Variants in MYO10 observed in about 807,000 individuals in gnomAD.
MYO10 encodes the protein myosin X.
In MYO10, 133 loss-of-function variants were observed where a neutral mutation model predicts 257.3. That is an observed-to-expected ratio of 0.52 (90% CI 0.45 to 0.60). The LOEUF (loss-of-function observed/expected upper bound fraction) is 0.60. Ranked by LOEUF, MYO10 falls within the 20% of genes least tolerant of loss-of-function variation. The pLI is 0.00. For synonymous variants in MYO10, 1,104 were observed against 1,028.6 expected (o/e 1.07, Z -1.40); for missense variants, 2,399 against 2,635.7 (o/e 0.91, Z 1.97).
chr5:16,901,426 C>A (rs1026939098), intron 1 of MYO10, among the ~76,000 whole-genome samples: 1 of 152,152 alleles, frequency 6.6e-6, no homozygotes, highest in African/African-American at 2.4e-5. Flanking sequence ...GGATTTCCAA[C>A]AACCCAAGAA....
Position 16,758,114 on chromosome 5 carries a change from G to A in MYO10, c.1848+4C>T, listed in dbSNP as rs1203477964. The A allele has an allele frequency of 1.9e-6, 3 of 1,593,818 alleles. No homozygotes were observed. The highest frequency in any genetic ancestry group is 1.1e-5 in the South Asian group (1 of 90,654). ...ATTCCTCTAAGCCAGCAGTGAAAACGAACCTTGAACTGTGAGCTGACTGTA... is the reference window on the plus strand; with the variant it reads ...ATTCCTCTAAGCCAGCAGTGAAAACAAACCTTGAACTGTGAGCTGACTGTA... On this transcript the variant is annotated splice_donor_region_variant and intron_variant, in intron 18 of 40. Coordinates refer to ENST00000513610, the MANE Select transcript of MYO10 (RefSeq NM_012334.3).
intron 3 of MYO10, among the ~76,000 whole-genome samples, chr5:16,806,837 C>CACTGCTTCACTCCCCCGGG (rs1228818414): frequency 6.6e-6 from 1 of 152,124 alleles, no homozygotes; most frequent in East Asian, 1.9e-4. Context: ...CCTCCCCTGG[C>CACTGCTTCACTCCCCCGGG]ACTGCTTCAC....
At chr5:16,669,865 G>T (rs888522628) in intron 39 of MYO10, among the ~76,000 whole-genome samples, 11 of 152,136 alleles carry the variant, frequency 7.2e-5, no homozygotes, top group Non-Finnish European at 1.5e-4. Context: ...AGACTTTGTG[G>T]ATCACATGGT....
At chr5:16,918,743 C>A (rs544260351) in intron 1 of MYO10, among the ~76,000 whole-genome samples, 1 of 151,992 alleles carries the variant, frequency 6.6e-6, no homozygotes, top group Non-Finnish European at 1.5e-5. Flanking sequence ...TCAGGTGATC[C>A]GCCTGCCTCA....
At chr5:16,751,821 G>C (rs114076254) in intron 19 of MYO10, among the ~76,000 whole-genome samples, 1 of 152,062 alleles carries the variant, frequency 6.6e-6, no homozygotes, top group Non-Finnish European at 1.5e-5. Context: ...TTCTTGGAAA[G>C]GTTTCTATAG....
intron 1 of MYO10, among the ~76,000 whole-genome samples, chr5:16,882,121 T>C (rs774720700): frequency 6.6e-6 from 1 of 152,184 alleles, no homozygotes; most frequent in Non-Finnish European, 1.5e-5. Flanking sequence ...TTCTGCAATA[T>C]AAAGCACTTA....
Position 16,670,053 on chromosome 5 carries a change from C to G in MYO10, c.5883+473G>C, listed in dbSNP as rs184948112. Among the ~76,000 whole-genome samples the G allele has an allele frequency of 1.5e-3, 234 of 152,114 alleles. 2 individuals carry two copies. The highest frequency in any genetic ancestry group is 5.3e-3 in the African/African-American group (221 of 41,430). ...ATTAGTAAGATTTCTTTTCAATAAG[C>G]GGTCTACTTAAAACAAAACAAAAAT... On this transcript the variant is annotated intron_variant, in intron 39 of 40. Coordinates refer to ENST00000513610, the MANE Select transcript of MYO10 (RefSeq NM_012334.3).
At chr5:16,914,492 G>A (rs1458871520) in intron 1 of MYO10, among the ~76,000 whole-genome samples, 4 of 152,194 alleles carry the variant, frequency 2.6e-5, no homozygotes, top group Non-Finnish European at 2.9e-5. Flanking sequence ...CAGAACCTAC[G>A]TGGCCCACCT....
intron 2 of MYO10, among the ~76,000 whole-genome samples, chr5:16,819,573 T>C (rs796400137): frequency 4.6e-5 from 7 of 152,128 alleles, no homozygotes; most frequent in African/African-American, 1.7e-4. Context: ...AAAAAAAGGA[T>C]GTTAAATAAC....
At chr5:16,783,883 C>T (rs1027823357) in intron 4 of MYO10, among the ~76,000 whole-genome samples, 1 of 152,178 alleles carries the variant, frequency 6.6e-6, no homozygotes, top group Non-Finnish European at 1.5e-5. Flanking sequence ...AGCAGGTACA[C>T]ATGAATAAAA....
At chr5:16,857,234 A>C (rs1356907772) in intron 2 of MYO10, among the ~76,000 whole-genome samples, 1 of 152,190 alleles carries the variant, frequency 6.6e-6, no homozygotes, top group Non-Finnish European at 1.5e-5. Context: ...TTACAGACTA[A>C]GCCACTGGCA....
intron 2 of MYO10, among the ~76,000 whole-genome samples, chr5:16,874,290 C>T (rs1342918974): frequency 2.8e-5 from 4 of 140,432 alleles, no homozygotes; most frequent in South Asian, 2.3e-4. Context: ...GCCGAGATCG[C>T]GCCACTGCAC....
Position 16,891,319 on chromosome 5 carries a change from A to G in MYO10, c.22-13612T>C, listed in dbSNP as rs1031273289. Reference sequence around the variant, plus strand: ...TGAAAGAGAGAGAAAAGGAGAAGAGAAAAGGAAGGAAGGAAGGAAGGAAGG... The same window carrying G: ...TGAAAGAGAGAGAAAAGGAGAAGAGGAAAGGAAGGAAGGAAGGAAGGAAGG... On this transcript the variant is annotated intron_variant, in intron 1 of 40. Transcript: ENST00000513610. Among the ~76,000 whole-genome samples the G allele has an allele frequency of 1.2e-4, 7 of 58,008 alleles. No homozygotes were observed. In the East Asian group the frequency reaches 2.9e-3, roughly 24 times the overall value. The allele number at this position is 58,008 out of a possible 152,430, so 38.1% of individuals were successfully genotyped here.
chr5:16,725,770 G>A (rs1256137815), intron 19 of MYO10, among the ~76,000 whole-genome samples: 1 of 147,444 alleles, frequency 6.8e-6, no homozygotes, highest in Non-Finnish European at 1.5e-5. Flanking sequence ...CCAGGCCAGA[G>A]AAGCAACAGG....
intron 18 of MYO10, among the ~76,000 whole-genome samples, chr5:16,755,599 A>G (rs1740505793): frequency 6.6e-6 from 1 of 152,180 alleles, no homozygotes; most frequent in South Asian, 2.1e-4. Context: ...CATTAGTTCC[A>G]TCGAAATGAC....
chr5:16,725,538 C>T (rs768458708), intron 19 of MYO10, among the ~76,000 whole-genome samples: 3 of 152,122 alleles, frequency 2.0e-5, no homozygotes, highest in Non-Finnish European at 2.9e-5. Context: ...TTAAATCAGT[C>T]CATGATGATA....
intron 22 of MYO10, among the ~76,000 whole-genome samples, chr5:16,703,616 T>A (rs996737466): frequency 1.3e-5 from 2 of 152,186 alleles, no homozygotes; most frequent in South Asian, 2.1e-4. Context: ...CGGTGGCTCA[T>A]GCCTGTAATC....
At chr5:16,827,526 A>G (rs947653123) in intron 2 of MYO10, among the ~76,000 whole-genome samples, 5 of 152,128 alleles carry the variant, frequency 3.3e-5, no homozygotes, top group African/African-American at 1.2e-4. Context: ...TACTCAAGTG[A>G]TCCGCCCACC....
chr5:16,689,860 G>A lies in MYO10; in HGVS notation c.3860C>T (p.Thr1287Ile). 2 of 1,613,788 alleles carry A rather than the reference G, an allele frequency of 1.2e-6. No individual in the cohort carries two copies. Reference sequence around the variant, plus strand: ...TGGGGACTCTGCAATCAGGTGGAAAGTCCTATCGGCCATAATGATGTCGAT... The same window carrying A: ...TGGGGACTCTGCAATCAGGTGGAAAATCCTATCGGCCATAATGATGTCGAT... ...NGIDIIMADR[T>I]FHLIAESPED... Residue 1287 changes from threonine to isoleucine, a missense_variant, in exon 28 of 41, where the codon ACT (threonine) becomes ATT (isoleucine). By Grantham distance (89) the Thr-to-Ile change is moderately conservative. This residue lies in a region of MYO10 where 1,820 missense variants were observed against 1,939.4 expected (regional missense o/e 0.94). Transcript: ENST00000513610.
Sources: gnomAD v4.1 joint callset for allele counts (sites outside exome capture counted in the v4.1 genomes callset) on GRCh38, gnomAD v4.1.1 for gene constraint, gnomAD v4.1.1 regional missense constraint, MANE v1.5 for transcripts, NCBI Gene and HGNC (gene_info 2026-07-23, HGNC 2026-07-21) for gene names.